Variants in PTPRM observed in about 807,000 individuals in gnomAD.
The protein encoded by PTPRM is receptor-type tyrosine-protein phosphatase mu.
Under a neutral mutation model 186.7 loss-of-function variants are expected in PTPRM, and 47 were observed. The observed-to-expected ratio is 0.25, with a 90% CI of 0.20 to 0.32. The LOEUF (loss-of-function observed/expected upper bound fraction) is 0.32. PTPRM is among the 10% of genes least tolerant of loss of function. The pLI is 1.00. For missense variants in PTPRM, 1,494 were observed against 1,865.0 expected (o/e 0.80, Z 3.66); for synonymous variants, 668 against 674.9 (o/e 0.99, Z 0.16).
intron 19 of PTPRM, among the ~76,000 whole-genome samples, chr18:8,289,581 T>C (rs1473984849): frequency 1.4e-4 from 16 of 111,104 alleles, no homozygotes; most frequent in African/African-American, 5.6e-4. Context: ...TATATACATA[T>C]ATATATACAC....
intron 7 of PTPRM, among the ~76,000 whole-genome samples, chr18:8,022,427 A>G (rs988624280): frequency 1.4e-4 from 21 of 152,190 alleles, no homozygotes; most frequent in African/African-American, 5.1e-4. Context: ...AGCGTTTTCT[A>G]AGTCTTTTCT....
intron 11 of PTPRM, among the ~76,000 whole-genome samples, chr18:8,105,823 C>G (rs974926679): frequency 6.6e-6 from 1 of 152,130 alleles, no homozygotes; most frequent in African/African-American, 2.4e-5. Context: ...AAAATACTTA[C>G]GTAATATTTT....
At chr18:8,274,057 C>T (rs1483418531) in intron 19 of PTPRM, among the ~76,000 whole-genome samples, 1 of 152,212 alleles carries the variant, frequency 6.6e-6, no homozygotes, top group Non-Finnish European at 1.5e-5. Flanking sequence ...ACTAGTACTT[C>T]TCCCAATAGA....
At chr18:8,175,162 T>C (rs923437039) in intron 14 of PTPRM, among the ~76,000 whole-genome samples, 2 of 152,200 alleles carry the variant, frequency 1.3e-5, no homozygotes, top group Non-Finnish European at 2.9e-5. Flanking sequence ...GCTTCGTAAT[T>C]AGACTGCAGA....
intron 1 of PTPRM, chr18:7,755,216 A>G (rs2041418616): frequency 6.6e-6 from 1 of 152,004 alleles, no homozygotes; most frequent in Admixed American, 6.6e-5. Flanking sequence ...AAAAACACAG[A>G]CAAACCAGAG....
intron 7 of PTPRM, among the ~76,000 whole-genome samples, chr18:7,998,088 A>G (rs1047681650): frequency 6.6e-6 from 1 of 152,186 alleles, no homozygotes; most frequent in African/African-American, 2.4e-5. Flanking sequence ...GCACTCTCAT[A>G]TTTATTGCAG....
At chr18:8,240,588 C>T (rs1389232465) in intron 14 of PTPRM, among the ~76,000 whole-genome samples, 1 of 110,544 alleles carries the variant, frequency 9.0e-6, no homozygotes, top group Non-Finnish European at 1.7e-5. Flanking sequence ...AAGTTTGTGG[C>T]AACCTGCATG....
At chr18:8,080,308 A>G (rs910431619) in intron 9 of PTPRM, among the ~76,000 whole-genome samples, 4 of 152,306 alleles carry the variant, frequency 2.6e-5, no homozygotes, top group Admixed American at 1.3e-4. Flanking sequence ...CTAACTTTAC[A>G]TATCTCTAGT....
At chr18:7,746,869 T>G (rs766066160) in intron 1 of PTPRM, among the ~76,000 whole-genome samples, 10 of 152,146 alleles carry the variant, frequency 6.6e-5, no homozygotes, top group Non-Finnish European at 8.8e-5. Context: ...GCCAGCTTGC[T>G]CTCTGAAGGG....
chr18:7,585,833 T>G (rs1246488791), intron 1 of PTPRM, among the ~76,000 whole-genome samples: 1 of 152,172 alleles, frequency 6.6e-6, no homozygotes, highest in African/African-American at 2.4e-5. Flanking sequence ...AGTGAATTGG[T>G]AAGTGAAAGC....
intron 7 of PTPRM, among the ~76,000 whole-genome samples, chr18:7,985,396 G>A (rs1387256430): frequency 7.6e-6 from 1 of 132,112 alleles, no homozygotes; most frequent in Non-Finnish European, 1.6e-5. Flanking sequence ...TACATATACT[G>A]GTATATACGT....
intron 19 of PTPRM, among the ~76,000 whole-genome samples, chr18:8,292,963 A>G (rs1218038239): frequency 2.0e-5 from 3 of 152,170 alleles, no homozygotes; most frequent in African/African-American, 7.2e-5. Flanking sequence ...AAGAGTCAGA[A>G]AACACTGACT....
chr18:8,188,822 G>C (rs1375459855), intron 14 of PTPRM, among the ~76,000 whole-genome samples: 2 of 152,140 alleles, frequency 1.3e-5, no homozygotes, highest in African/African-American at 4.8e-5. Context: ...CTCCACCCCA[G>C]ACCTAAGACC....
chr18:8,248,047 C>T (rs2094494298), intron 16 of PTPRM, 103 bp from the exon 17 acceptor site: 1 of 1,367,612 alleles, frequency 7.3e-7, no homozygotes, highest in Non-Finnish European at 1.0e-6. Context: ...CAATGCGTTT[C>T]TACAGCTTTC....
intron 7 of PTPRM, among the ~76,000 whole-genome samples, chr18:8,008,702 GAA>G (rs1260689487): frequency 6.6e-6 from 1 of 152,128 alleles, no homozygotes; most frequent in South Asian, 2.1e-4. Context: ...CTTGCTTAAA[GAA>G]AAGTGTTGCT....
chr18:7,997,782 C>T (rs763998357), intron 7 of PTPRM, among the ~76,000 whole-genome samples: 3 of 152,182 alleles, frequency 2.0e-5, no homozygotes, highest in African/African-American at 4.8e-5. Context: ...AAAAAATGCT[C>T]AACATCACCA....
intron 1 of PTPRM, among the ~76,000 whole-genome samples, chr18:7,674,444 G>T (rs2039288780): frequency 6.6e-6 from 1 of 152,156 alleles, no homozygotes; most frequent in Admixed American, 6.5e-5. Context: ...TCTCTTGAAG[G>T]GCTGGTGGTG....
chr18:7,901,627 G>A (rs530003405), intron 3 of PTPRM, among the ~76,000 whole-genome samples: 1 of 152,274 alleles, frequency 6.6e-6, no homozygotes, highest in African/African-American at 2.4e-5. Flanking sequence ...GCCTCCCAAA[G>A]TGCTGGGATT....
intron 11 of PTPRM, among the ~76,000 whole-genome samples, chr18:8,107,072 C>G (rs905309199): frequency 6.6e-6 from 1 of 152,142 alleles, no homozygotes; most frequent in South Asian, 2.1e-4. Context: ...TATTTTTATT[C>G]AAATCATTAG....
Sources: gnomAD v4.1 joint callset for allele counts (sites outside exome capture counted in the v4.1 genomes callset) on GRCh38, gnomAD v4.1.1 for gene constraint, MANE v1.5 for transcripts, NCBI Gene and HGNC (gene_info 2026-07-23, HGNC 2026-07-21) for gene names.